FHL1: variants seen among roughly 807,000 people sequenced by gnomAD.
FHL1 encodes four and a half LIM domains 1.
In FHL1, 1 loss-of-function variant was observed where a neutral mutation model predicts 20.3. The ratio of observed to expected loss-of-function variants is 0.05; its 90% CI spans 0.02 to 0.23. The LOEUF is 0.23. FHL1 is among the 10% of genes least tolerant of loss of function. The probability of loss-of-function intolerance (pLI) is 1.00; values close to 1 mark genes in which losing one functional copy is unlikely to be tolerated. For missense variants in FHL1, 177 were observed against 234.0 expected, an observed-to-expected ratio of 0.76 and a Z score of 1.59; for synonymous variants, 82 against 88.9, an observed-to-expected ratio of 0.92 and a Z score of 0.44.
intron 1 of FHL1, among the ~76,000 whole-genome samples, chrX:136,163,565 G>A (rs2072631772): frequency 8.9e-6 from 1 of 111,907 alleles, no homozygotes; most frequent in Non-Finnish European, 1.9e-5. Context: ...GAAATTATAA[G>A]GAAGAAAATG....
chrX:136,190,838 CA>C (rs1216481126), intron 2 of FHL1, among the ~76,000 whole-genome samples: 1 of 111,944 alleles, frequency 8.9e-6, no homozygotes, highest in African/African-American at 3.2e-5. Context: ...CTCAGGGAAG[CA>C]GGTGATCTCT....
chrX:136,179,340 G>T (rs1421922706), intron 2 of FHL1, among the ~76,000 whole-genome samples: 2 of 112,046 alleles, frequency 1.8e-5, no homozygotes, highest in Non-Finnish European at 3.8e-5. Context: ...ACATGCTCCA[G>T]TATTTTTAGC....
At chrX:136,157,458 T>C (rs1389994617) in intron 1 of FHL1, among the ~76,000 whole-genome samples, 3 of 112,052 alleles carry the variant, frequency 2.7e-5, no homozygotes, top group East Asian at 2.8e-4. Flanking sequence ...TTTTAAAATA[T>C]CAACTTCACC....
chrX:136,162,319 T>C (rs1432059769), intron 1 of FHL1, among the ~76,000 whole-genome samples: 2 of 109,779 alleles, frequency 1.8e-5, no homozygotes, highest in Non-Finnish European at 3.8e-5. Flanking sequence ...GGGCAAATCA[T>C]CTCCCCACTC....
chrX:136,203,925 T>C (rs1398705145), intron 1 of FHL1, among the ~76,000 whole-genome samples: 2 of 112,522 alleles, frequency 1.8e-5, no homozygotes, highest in African/African-American at 6.5e-5. Flanking sequence ...GAACTTTATA[T>C]AGTACTTTAA....
At position 136,208,437 on chromosome X, in the gene FHL1, C is replaced by G; in HGVS notation, c.550-18C>G. The G allele has an allele frequency of 8.3e-7, 1 of 1,210,572 alleles. No individual in the cohort carries two copies. Among genetic ancestry groups the G allele is most frequent in the Non-Finnish European group, 1.1e-6 (1 of 894,171 alleles). ...ATGGTTGTTGAATCTGAATCCGGTGCTACACTCCCTGGTCTAGGCCATCAC... is the reference window on the plus strand; with the variant it reads ...ATGGTTGTTGAATCTGAATCCGGTGGTACACTCCCTGGTCTAGGCCATCAC... On this transcript the variant is annotated intron_variant, in intron 4 of 5. Coordinates refer to ENST00000370683, the MANE Select transcript of FHL1 (RefSeq NM_001159699.2).
chrX:136,202,553 C>T (rs749145724), intron 1 of FHL1, among the ~76,000 whole-genome samples: 1 of 111,132 alleles, frequency 9.0e-6, no homozygotes, highest in African/African-American at 3.3e-5. Context: ...GTCAGGAGAT[C>T]GAGACCATCC....
intron 1 of FHL1, among the ~76,000 whole-genome samples, chrX:136,201,550 C>T (rs1266816485): frequency 9.0e-6 from 1 of 111,592 alleles, no homozygotes; most frequent in Non-Finnish European, 1.9e-5. Context: ...CTCATGGGGA[C>T]GTGGCTGAGC....
At chrX:136,181,280 AT>A (rs1357452132) in intron 2 of FHL1, among the ~76,000 whole-genome samples, 9 of 110,519 alleles carry the variant, frequency 8.1e-5, no homozygotes, top group Non-Finnish European at 1.5e-4. Context: ...TTATATTTAG[AT>A]TTTTTTTTCT....
intron 5 of FHL1, 71 bp from the exon 6 acceptor site, chrX:136,209,800 G>A (rs184761695): frequency 3.1e-5 from 35 of 1,115,541 alleles, no homozygotes; most frequent in Admixed American, 7.3e-5. Context: ...TCTCTGAATC[G>A]TGGTTTCCTC....
intron 1 of FHL1, among the ~76,000 whole-genome samples, chrX:136,154,918 G>A (rs914784035): frequency 8.9e-6 from 1 of 111,750 alleles, no homozygotes; most frequent in Non-Finnish European, 1.9e-5. Flanking sequence ...TGTTGGCCAG[G>A]CTGGTCTCAA....
upstream of FHL1, among the ~76,000 whole-genome samples, chrX:136,196,487 C>T (rs1363538442): frequency 3.6e-5 from 4 of 111,240 alleles, no homozygotes; most frequent in Non-Finnish European, 7.5e-5. Context: ...TGCTGTCTGC[C>T]GTTAAGGAGG....
rs10527786 is a variant in FHL1 at position 136,177,013 on chromosome X, TACACAC to T, written c.-27+7061_-27+7066del. 8.4e-3 allele frequency among the ~76,000 whole-genome samples: 744 copies of T among 88,662 alleles called. 8 individuals are homozygous for T. The highest frequency in any genetic ancestry group is 0.028 in the African/African-American group (702 of 25,381). The allele number at this position is 88,662 out of a possible 115,157, so 77.0% of individuals were successfully genotyped here. ...AGAAAGCTAAGAAGTCATGTAGAAA[TACACAC>T]ACACACACACACACACACACACACA... On this transcript the variant is annotated intron_variant, in intron 2 of 6. Coordinates refer to the FHL1 transcript ENST00000394153.
chrX:136,198,498 C>T (rs187245460), intron 1 of FHL1, among the ~76,000 whole-genome samples: 1 of 111,632 alleles, frequency 9.0e-6, no homozygotes, highest in African/African-American at 3.3e-5. Flanking sequence ...TTATTTATAC[C>T]TTTTAGATGA....
chrX:136,162,673 C>T (rs912564402), intron 1 of FHL1, among the ~76,000 whole-genome samples: 7 of 111,417 alleles, frequency 6.3e-5, no homozygotes, highest in Non-Finnish European at 1.3e-4. Context: ...GATGGGGCCC[C>T]GCCATCTGTG....
intron 1 of FHL1, chrX:136,169,887 C>T: frequency 3.0e-6 from 1 of 331,120 alleles, no homozygotes; most frequent in Non-Finnish European, 5.9e-6. Flanking sequence ...TCTTGATTCT[C>T]ATTTTTTTCC....
intron 2 of FHL1, among the ~76,000 whole-genome samples, chrX:136,175,615 GAGT>G (rs1161102588): frequency 8.9e-6 from 1 of 112,571 alleles, no homozygotes; most frequent in Non-Finnish European, 1.9e-5. Flanking sequence ...AGTTTTGATT[GAGT>G]AGATTATGAT....
chrX:136,206,695 C>A, intron 2 of FHL1, 107 bp downstream of exon 2: 1 of 1,043,580 alleles, frequency 9.6e-7, no homozygotes, highest in Non-Finnish European at 1.3e-6. Flanking sequence ...AGCATCACTG[C>A]AGCCACCTTG....
chrX:136,200,943 T>C (rs372195337), intron 1 of FHL1, among the ~76,000 whole-genome samples: 3 of 111,211 alleles, frequency 2.7e-5, no homozygotes, highest in African/African-American at 9.8e-5. Flanking sequence ...GCGGGTGGAT[T>C]ACTTGAGGTC....
Sources: gnomAD v4.1 joint callset for allele counts (sites outside exome capture counted in the v4.1 genomes callset) on GRCh38, gnomAD v4.1.1 for gene constraint, MANE v1.5 for transcripts, NCBI Gene and HGNC (gene_info 2026-07-23, HGNC 2026-07-21) for gene names.